The following HNF1B variants were observed in gnomAD, a reference collection of about 807,000 sequenced individuals.
The protein encoded by HNF1B is HNF1 homeobox B.
In HNF1B, 8 loss-of-function variants were observed where a neutral mutation model predicts 61.7. The ratio of observed to expected loss-of-function variants is 0.13; its 90% confidence interval spans 0.08 to 0.23. HNF1B has a LOEUF of 0.23. Among genes scored for constraint, HNF1B ranks in the 10% least tolerant of loss-of-function variants. HNF1B has a pLI of 1.00. For missense variants in HNF1B, 562 were observed against 714.5 expected (o/e 0.79, Z 2.43); for synonymous variants, 314 against 287.7 (o/e 1.09, Z -0.93).
Position 37,687,405 on chromosome 17 carries a change from A to G in HNF1B, c.1654-13T>C. On this transcript the variant is annotated splice_polypyrimidine_tract_variant and intron_variant, in intron 8 of 8. Coordinates refer to ENST00000617811, the MANE Select transcript of HNF1B (RefSeq NM_000458.4). ...CTTGTAGAGGACACTGCAGAGAGAG[A>G]GGAGAGAGGGTGCTCAGCTGTGTCA... The G allele has an allele frequency of 6.2e-7, 1 of 1,600,346 alleles. No homozygotes were observed. Among genetic ancestry groups the G allele is most frequent in the African/African-American group, 1.3e-5 (1 of 74,744 alleles).
chr17:37,739,339 C>T (rs1279828898), intron 2 of HNF1B, 101 bp downstream of exon 2: 2 of 1,091,818 alleles, frequency 1.8e-6, no homozygotes, highest in East Asian at 2.4e-5. Flanking sequence ...CTGCCAAGTG[C>T]TCACAAGGCC....
intron 5 of HNF1B, among the ~76,000 whole-genome samples, chr17:37,708,296 T>C (rs1415357752): frequency 6.6e-6 from 1 of 152,194 alleles, no homozygotes; most frequent in Non-Finnish European, 1.5e-5. Context: ...ACTAGGGTGT[T>C]GGAGACAAGA....
rs1022492333 is a variant in HNF1B at position 37,724,928 on chromosome 17, G to C, written c.1045+6667C>G. On this transcript the variant is annotated intron_variant, in intron 4 of 8. Transcript: ENST00000617811. ...CGTGTGTGTGTGTGTGTGTGTGTGT[G>C]TGTGTGTGTATATATATATAATACA... 3.6e-3 allele frequency among the ~76,000 whole-genome samples: 505 copies of C among 140,110 alleles called. 4 individuals are homozygous for C. Among genetic ancestry groups the C allele is most frequent in the African/African-American group, 0.014 (474 of 34,872 alleles). The allele number at this position is 140,110 out of a possible 152,430, so 91.9% of individuals were successfully genotyped here.
At chr17:37,704,138 C>T (rs1268069157) in intron 6 of HNF1B, among the ~76,000 whole-genome samples, 2 of 152,188 alleles carry the variant, frequency 1.3e-5, no homozygotes, top group African/African-American at 4.8e-5. Context: ...ATGCTGAATA[C>T]TCATCAACAT....
rs2033748761 is a variant in HNF1B at position 37,733,577 on chromosome 17, G to C, written c.789C>G (p.Ala263=). 1.9e-6 allele frequency: 3 copies of C among 1,614,014 alleles called. No homozygotes were observed. Among genetic ancestry groups the C allele is most frequent in the Non-Finnish European group, 2.5e-6 (3 of 1,180,040 alleles). The change falls in exon 3 of 9, where the codon GCC becomes GCG. Residue 263 remains alanine (A), a synonymous_variant. Transcript: ENST00000617811. ...QKNPSKEERE[A]LVEECNRAEC... is the part of the protein sequence containing the mutation. ...GTTACCTGTTGCATTCCTCCACTAAGGCCTCTCTCTCTTCCTTGCTGGGGT... is the reference window on the plus strand; with the variant it reads ...GTTACCTGTTGCATTCCTCCACTAACGCCTCTCTCTCTTCCTTGCTGGGGT...
intron 4 of HNF1B, among the ~76,000 whole-genome samples, chr17:37,713,162 A>G (rs1311632269): frequency 6.6e-6 from 1 of 152,066 alleles, no homozygotes; most frequent in African/African-American, 2.4e-5. Flanking sequence ...TGCTCCTGAG[A>G]GAGTGTTGAT....
rs1455956898 is a variant in HNF1B, at chr17:37,686,974, TTG to T, written c.*396_*397del. ...GAGTCTGTGGATATTTACAGTGTGT[TTG>T]GCTCAGTTCAATAGCACATGTCCTT... On this transcript the variant is annotated 3_prime_UTR_variant, in exon 9 of 9. Transcript: ENST00000617811. The T allele has an allele frequency of 4.7e-6, 2 of 423,574 alleles. No homozygotes were observed. Among genetic ancestry groups the T allele is most frequent in the African/African-American group, 4.0e-5 (2 of 49,800 alleles). 26.2% of individuals were successfully genotyped at this position (423,574 alleles called of 1,614,324 possible).
At chr17:37,709,721 T>C (rs1202742638) in intron 5 of HNF1B, among the ~76,000 whole-genome samples, 1 of 152,248 alleles carries the variant, frequency 6.6e-6, no homozygotes, top group East Asian at 1.9e-4. Context: ...CTGCAATTTA[T>C]TGACTATTTT....
chr17:37,724,120 A>G (rs555646857), intron 4 of HNF1B, among the ~76,000 whole-genome samples: 5 of 152,276 alleles, frequency 3.3e-5, no homozygotes, highest in Non-Finnish European at 7.4e-5. Flanking sequence ...CAACTCCAGT[A>G]CTCAAAAGTG....
intron 1 of HNF1B, among the ~76,000 whole-genome samples, chr17:37,741,978 G>A (rs970135988): frequency 6.6e-6 from 1 of 152,212 alleles, no homozygotes. Context: ...GGGAAGAGCC[G>A]GGAGAGCTGG....
rs972988861 is a variant in HNF1B, at chr17:37,720,872, A to G, written c.1046-10209T>C. On this transcript the variant is annotated intron_variant, in intron 4 of 8. Transcript: ENST00000617811. ...TTACAGGTAGGGATGCAAACCCTCT[A>G]GTTCCCCTGGCTGTAGGGTTGTAGA... The G allele has an allele frequency of 3.6e-5, 35 of 985,172 alleles. No individual in the cohort carries two copies. The Admixed American group carries it at 1.6e-3, about 45-fold the overall frequency. The allele number at this position is 985,172 out of a possible 1,614,324, so 61.0% of individuals were successfully genotyped here.
chr17:37,693,017 C>T (rs532222409), intron 8 of HNF1B, among the ~76,000 whole-genome samples: 22 of 151,706 alleles, frequency 1.5e-4, no homozygotes, highest in East Asian at 3.9e-4. Flanking sequence ...AGTGAAACCC[C>T]GTCTCTACTA....
intron 5 of HNF1B, among the ~76,000 whole-genome samples, chr17:37,705,401 C>T (rs2032712148): frequency 6.6e-6 from 1 of 152,184 alleles, no homozygotes; most frequent in Admixed American, 6.5e-5. Context: ...GACAGTGATC[C>T]CTGCCCTCAT....
intron 8 of HNF1B, among the ~76,000 whole-genome samples, chr17:37,695,973 G>A (rs545831195): frequency 1.3e-5 from 2 of 152,308 alleles, no homozygotes; most frequent in African/African-American, 4.8e-5. Flanking sequence ...AATGTGAGAA[G>A]GACATGAGAT....
intron 4 of HNF1B, among the ~76,000 whole-genome samples, chr17:37,713,893 C>T (rs1028390406): frequency 6.6e-6 from 1 of 152,144 alleles, no homozygotes; most frequent in Non-Finnish European, 1.5e-5. Context: ...GGGGTGGGGG[C>T]GCATCACAAG....
chr17:37,744,471 G>A (rs2034104321), intron 1 of HNF1B, 70 bp downstream of exon 1: 1 of 1,506,406 alleles, frequency 6.6e-7, no homozygotes, highest in Non-Finnish European at 9.1e-7. Flanking sequence ...GTCGGGCGCA[G>A]TGTCACTCAG....
At chr17:37,744,462 T>G (rs1235362779) in intron 1 of HNF1B, 79 bp downstream of exon 1, 1 of 1,438,026 alleles carries the variant, frequency 7.0e-7, no homozygotes, top group East Asian at 2.3e-5. Context: ...GCGAGTGTGG[T>G]CGGGCGCAGT....
chr17:37,731,225 G>A lies in HNF1B; in HGVS notation c.1045+370C>T, dbSNP rs1013562536. On this transcript the variant is annotated intron_variant, in intron 4 of 8. Transcript: ENST00000617811. Reference sequence around the variant, plus strand: ...AGTGCCATCCTCCAACACAGTGAGGGTTGCCACGCCATCACGACCCGTTTG... The same window carrying A: ...AGTGCCATCCTCCAACACAGTGAGGATTGCCACGCCATCACGACCCGTTTG... The A allele has an allele frequency of 8.1e-5, 32 of 396,686 alleles. 1 individual carries two copies. Among genetic ancestry groups the A allele is most frequent in the Non-Finnish European group, 1.2e-4 (26 of 210,340 alleles). The allele number at this position is 396,686 out of a possible 1,614,324, so 24.6% of individuals were successfully genotyped here.
chr17:37,706,292 G>A (rs1039492052), intron 5 of HNF1B, among the ~76,000 whole-genome samples: 1 of 152,054 alleles, frequency 6.6e-6, no homozygotes. Flanking sequence ...ATGAAGAAAG[G>A]ACTGGCCCCT....
Sources: allele counts gnomAD v4.1 joint callset (sites outside exome capture counted in the v4.1 genomes callset), GRCh38; gene constraint gnomAD v4.1.1; transcripts MANE v1.5; gene names NCBI Gene and HGNC (gene_info 2026-07-23, HGNC 2026-07-21).